Variants in CLCA1 observed in about 807,000 individuals in gnomAD.
CLCA1 encodes the protein calcium-activated chloride channel regulator 1.
CLCA1 carries 59 observed loss-of-function variants against 85.6 expected under a neutral mutation model. The observed-to-expected ratio is 0.69, with a 90% CI of 0.56 to 0.86. The LOEUF is 0.86. Among genes scored for constraint, CLCA1 ranks in the 40% least tolerant of loss-of-function variants. The pLI is 0.00. For synonymous variants in CLCA1, 396 were observed against 398.3 expected (o/e 0.99, Z 0.07); for missense variants, 1,022 against 1,101.4 (o/e 0.93, Z 1.02).
At chr1:86,470,463 A>G (rs2101725585) in intron 1 of CLCA1, among the ~76,000 whole-genome samples, 1 of 152,356 alleles carries the variant, frequency 6.6e-6, no homozygotes, top group South Asian at 2.1e-4. Flanking sequence ...AGTGGGGTTC[A>G]GCAATATGCC....
At chr1:86,494,943 C>T (rs1356834781) in intron 11 of CLCA1, among the ~76,000 whole-genome samples, 1 of 151,738 alleles carries the variant, frequency 6.6e-6, no homozygotes, top group Non-Finnish European at 1.5e-5. Flanking sequence ...TCTATGCAGA[C>T]TCTATATTAG....
chr1:86,486,991 C>G (rs986240627), intron 7 of CLCA1, among the ~76,000 whole-genome samples: 1 of 152,128 alleles, frequency 6.6e-6, no homozygotes, highest in Admixed American at 6.5e-5. Context: ...TTGCCCTAAG[C>G]CTGCTATTTG....
In CLCA1 at chr1:86,499,702, A is replaced by G. The variant is rs376108919; in HGVS notation, c.2402A>G (p.Asp801Gly). 6.9e-6 allele frequency: 11 copies of G among 1,602,740 alleles called. No individual in the cohort carries two copies. Among genetic ancestry groups the G allele is most frequent in the Middle Eastern group, 1.6e-4 (1 of 6,070 alleles). The change falls in exon 14 of 14, where the codon GAC (aspartate) becomes GGC (glycine). Residue 801 changes from aspartate (D) to glycine (G), a missense_variant. Asp to Gly is a moderately conservative substitution (Grantham distance 94). Transcript: ENST00000394711. ...RISTSILDLRDKFNESLQVNT... is the reference protein window; with the variant it reads ...RISTSILDLRGKFNESLQVNT... The stretch of plus-strand genomic sequence containing the variant: ...AGTACAAGTATTCTTGATCTCAGAG[A>G]CAAGTTCAATGAATCTCTTCAAGTG...
At position 86,491,371 on chromosome 1, in the gene CLCA1, G is replaced by T. The variant is rs1648130107; in HGVS notation, c.1464G>T (p.Gln488His). Reference protein sequence around the residue: ...GNGAVSQRSIQLESKGLTLQN... With the variant: ...GNGAVSQRSIHLESKGLTLQN... ...GAGCTGTCTCTCAGCGCTCCATCCA[G>T]GTTGGAGTTCTTAATCTTTGGTTTT... Residue 488 changes from glutamine to histidine, a missense_variant and splice_region_variant, in exon 9 of 14, where the codon CAG (glutamine) becomes CAT (histidine). Transcript: ENST00000394711. 2.3e-5 allele frequency: 37 copies of T among 1,602,354 alleles called. No homozygotes were observed. The highest frequency in any genetic ancestry group is 3.2e-5 in the Non-Finnish European group (37 of 1,171,300).
chr1:86,494,928 C>A (rs1451839276), intron 11 of CLCA1, among the ~76,000 whole-genome samples: 1 of 151,874 alleles, frequency 6.6e-6, no homozygotes, highest in Non-Finnish European at 1.5e-5. Context: ...TATATGATTC[C>A]TGTATCTATG....
In CLCA1 at chr1:86,498,200, A is replaced by AAGGAAGGAAGGAAGGG. The variant is rs1553188780; in HGVS notation, c.2114-363_2114-362insGGAAGGGAGGAAGGAA. Reference sequence around the variant, plus strand: ...GAAGGAAGGAAGGATGGAAGGAAGGAAGGAAGGAAAAAACAGATGTAGTAT... The same window carrying AAGGAAGGAAGGAAGGG: ...GAAGGAAGGAAGGATGGAAGGAAGGAAGGAAGGAAGGAAGGGAGGAAGGAAAAAACAGATGTAGTAT... On this transcript the variant is annotated intron_variant, in intron 12 of 13. Coordinates refer to ENST00000394711, the MANE Select transcript of CLCA1 (RefSeq NM_001285.4). 1.7e-3 allele frequency among the ~76,000 whole-genome samples: 261 copies of AAGGAAGGAAGGAAGGG among 150,776 alleles called. 6 individuals carry two copies. Among genetic ancestry groups the AAGGAAGGAAGGAAGGG allele is most frequent in the African/African-American group, 5.9e-3 (241 of 40,520 alleles).
At chr1:86,491,624 T>C (rs1310695576) in intron 9 of CLCA1, among the ~76,000 whole-genome samples, 1 of 152,258 alleles carries the variant, frequency 6.6e-6, no homozygotes, top group African/African-American at 2.4e-5. Flanking sequence ...AAATGTCATA[T>C]GTCCAAGAAT....
intron 6 of CLCA1, among the ~76,000 whole-genome samples, chr1:86,486,273 T>C (rs1276840626): frequency 6.6e-6 from 1 of 152,236 alleles, no homozygotes; most frequent in Non-Finnish European, 1.5e-5. Context: ...CCTAGAATTA[T>C]TACTAATGCA....
At position 86,494,429 on chromosome 1, in the gene CLCA1, A is replaced by G. The variant is rs553040150; in HGVS notation, c.1923A>G (p.Glu641=). The G allele has an allele frequency of 1.2e-6, 2 of 1,614,194 alleles. No individual in the cohort carries two copies. Among genetic ancestry groups the G allele is most frequent in the South Asian group, 2.2e-5 (2 of 91,088 alleles). Reference sequence around the variant, plus strand: ...TGAATGGAAAAACAGTTACCTTGGAACTACTGGATAATGGAGCAGGTAATC... The same window carrying G: ...TGAATGGAAAAACAGTTACCTTGGAGCTACTGGATAATGGAGCAGGTAATC... The part of the protein sequence containing the change: ...ESVNGKTVTL[E]LLDNGAGADA... The change falls in exon 11 of 14, where the codon GAA becomes GAG. Residue 641 remains glutamate (E), a synonymous_variant. Transcript: ENST00000394711.
At chr1:86,485,034 G>C (rs1647925928) in intron 5 of CLCA1, among the ~76,000 whole-genome samples, 1 of 152,154 alleles carries the variant, frequency 6.6e-6, no homozygotes, top group African/African-American at 2.4e-5. Flanking sequence ...GGTTCCAAGA[G>C]AGGAATGCTG....
chr1:86,496,694 C>T (rs1271162764), intron 12 of CLCA1, among the ~76,000 whole-genome samples: 1 of 152,150 alleles, frequency 6.6e-6, no homozygotes, highest in Non-Finnish European at 1.5e-5. Flanking sequence ...TGGTGTCACT[C>T]ATGCAAAGGT....
intron 11 of CLCA1, among the ~76,000 whole-genome samples, chr1:86,494,690 G>T (rs373011931): frequency 1.3e-5 from 2 of 152,152 alleles, no homozygotes; most frequent in Admixed American, 6.5e-5. Flanking sequence ...AGTCTCTGGG[G>T]AGTTGCCATA....
At chr1:86,499,185 TTCTC>T (rs1279104504) in intron 13 of CLCA1, among the ~76,000 whole-genome samples, 5 of 152,310 alleles carry the variant, frequency 3.3e-5, no homozygotes, top group Admixed American at 2.0e-4. Context: ...CTACCAGACT[TTCTC>T]TCTCAAAGTG....
chr1:86,470,674 C>A (rs1192833427), intron 1 of CLCA1, among the ~76,000 whole-genome samples: 1 of 152,124 alleles, frequency 6.6e-6, no homozygotes, highest in Non-Finnish European at 1.5e-5. Context: ...AAGTTGGCTT[C>A]CATCATTTCC....
intron 12 of CLCA1, among the ~76,000 whole-genome samples, chr1:86,496,191 T>A (rs1648279088): frequency 6.6e-6 from 1 of 152,250 alleles, no homozygotes; most frequent in Non-Finnish European, 1.5e-5. Flanking sequence ...ATAAAGGTTT[T>A]ATCATTATTT....
Position 86,482,229 on chromosome 1 carries a change from A to C in CLCA1, c.582A>C (p.Thr194=), listed in dbSNP as rs746243884. 16 of 1,613,838 alleles carry C rather than the reference A, an allele frequency of 9.9e-6. No individual in the cohort carries two copies. Among genetic ancestry groups the C allele is most frequent in the Admixed American group, 3.3e-5 (2 of 60,006 alleles). ...GATGTTCAGCAGGTATTACTGGTAC[A>C]AATGTAGTAAAGAAGTGTCAGGGAG... The part of the protein sequence containing the change: ...AVRCSAGITG[T]NVVKKCQGGS... The change falls in exon 5 of 14, where the codon ACA becomes ACC. Residue 194 remains threonine, a synonymous_variant. Transcript: ENST00000394711.
chr1:86,476,366 T>A (rs946417928), intron 3 of CLCA1, 82 bp from the exon 4 acceptor site: 4 of 698,898 alleles, frequency 5.7e-6, no homozygotes, highest in Non-Finnish European at 1.0e-5. Context: ...GCATAAATAT[T>A]CCAAACATTG....
intron 4 of CLCA1, among the ~76,000 whole-genome samples, chr1:86,480,895 G>A (rs1647799362): frequency 6.6e-6 from 1 of 152,184 alleles, no homozygotes; most frequent in African/African-American, 2.4e-5. Flanking sequence ...GTAAGGAAAT[G>A]ATAGAGCAGC....
At chr1:86,495,790 G>A (rs890173058) in intron 12 of CLCA1, 115 bp downstream of exon 12, 10 of 994,694 alleles carry the variant, frequency 1.0e-5, no homozygotes, top group Non-Finnish European at 1.4e-5. Flanking sequence ...CTCAACCTTG[G>A]CATTATTAAG....
Sources: allele counts gnomAD v4.1 joint callset (sites outside exome capture counted in the v4.1 genomes callset), GRCh38; gene constraint gnomAD v4.1.1; transcripts MANE v1.5; gene names NCBI Gene and HGNC (gene_info 2026-07-23, HGNC 2026-07-21).